RNF10: variants seen among roughly 807,000 people sequenced by gnomAD.
The protein encoded by RNF10 is E3 ubiquitin-protein ligase RNF10.
In RNF10, 38 loss-of-function variants were observed where a neutral mutation model predicts 91.4. The ratio of observed to expected loss-of-function variants is 0.42; its 90% CI spans 0.32 to 0.54. RNF10 has a LOEUF of 0.54. Ranked by LOEUF, RNF10 falls within the 20% of genes least tolerant of loss-of-function variation. The pLI is 0.16. For synonymous variants in RNF10, 364 were observed against 366.3 expected (o/e 0.99, Z 0.07); for missense variants, 945 against 1,012.0 (o/e 0.93, Z 0.90).
In RNF10 at chr12:120,555,542, C is replaced by T. The variant is rs147753889; in HGVS notation, c.645+734C>T. ...CGCTCTTGTTGCCCAGGCTGGAGTA[C>T]AGTGGTGCAATCTTGGCTCACTGCA... On this transcript the variant is annotated intron_variant, in intron 4 of 16. Coordinates refer to ENST00000325954, the MANE Select transcript of RNF10 (RefSeq NM_014868.5). Among the ~76,000 whole-genome samples, 96 of 149,856 alleles carry T rather than the reference C, an allele frequency of 6.4e-4. 1 individual carries two copies. In the East Asian group the frequency reaches 0.017, roughly 26 times the overall value.
chr12:120,569,790 G>A (rs570757175), intron 13 of RNF10, among the ~76,000 whole-genome samples: 1 of 151,644 alleles, frequency 6.6e-6, no homozygotes, highest in East Asian at 2.0e-4. Flanking sequence ...CGCCTGCCTC[G>A]GCCTCCCAGT....
intron 16 of RNF10, 66 bp from the exon 17 acceptor site, chr12:120,576,524 T>G: frequency 7.0e-6 from 11 of 1,566,592 alleles, no homozygotes; most frequent in Non-Finnish European, 9.5e-6. Context: ...CTCTCAGTAA[T>G]GAAAACTGGC....
At chr12:120,560,611 C>A in intron 6 of RNF10, 115 bp from the exon 7 acceptor site, 1 of 946,212 alleles carries the variant, frequency 1.1e-6, no homozygotes. Flanking sequence ...GGAAATCATG[C>A]TAAATTACCC....
Position 120,560,883 on chromosome 12 carries a change from C to T in RNF10, c.1125C>T (p.Leu375=), listed in dbSNP as rs1166268404. Residue 375 remains leucine (L), a synonymous_variant, in exon 7 of 17, where the codon CTC becomes CTT. Transcript: ENST00000325954. ...SCFIEAAIQE[L]KTREEALSGL... ...TTATTGAGGCAGCTATCCAGGAGCT[C>T]AAGGTGAGAGGATGCATTGGAGATG... 2.5e-6 allele frequency: 4 copies of T among 1,613,740 alleles called. No homozygotes were observed. Among genetic ancestry groups the T allele is most frequent in the Non-Finnish European group, 3.4e-6 (4 of 1,179,868 alleles).
In RNF10 at chr12:120,576,614, A is replaced by G; in HGVS notation, c.2384A>G (p.Lys795Arg). The change falls in exon 17 of 17, where the codon AAA (lysine) becomes AGA (arginine). Residue 795 changes from lysine (K) to arginine (R), a missense_variant. Physicochemically the swap from Lys to Arg is conservative, Grantham distance 26. Transcript: ENST00000325954. ...LSEEKGGKKR[K>R]KQKQKLLFST... ...GAAGAGAAAGGAGGAAAGAAAAGAAAAAAACAGAAACAGAAGCTCCTGTTC... is the reference window on the plus strand; with the variant it reads ...GAAGAGAAAGGAGGAAAGAAAAGAAGAAAACAGAAACAGAAGCTCCTGTTC... 2 of 1,614,090 alleles carry G rather than the reference A, an allele frequency of 1.2e-6. No homozygotes were observed.
At chr12:120,536,569 G>C (rs1327944361) in intron 1 of RNF10, among the ~76,000 whole-genome samples, 2 of 152,166 alleles carry the variant, frequency 1.3e-5, no homozygotes. Flanking sequence ...ATGGGTTCTC[G>C]GGCCGTGTCA....
chr12:120,565,691 G>A (rs1875584090), intron 12 of RNF10, among the ~76,000 whole-genome samples, 162 bp downstream of exon 12: 1 of 152,178 alleles, frequency 6.6e-6, no homozygotes, highest in African/African-American at 2.4e-5. Flanking sequence ...CAAATATAAT[G>A]AGTTAATATG....
intron 14 of RNF10, among the ~76,000 whole-genome samples, chr12:120,572,462 G>T (rs1876790491): frequency 6.6e-6 from 1 of 152,122 alleles, no homozygotes; most frequent in South Asian, 2.1e-4. Context: ...TGGTAAGGAG[G>T]GTTCCGAAGT....
intron 1 of RNF10, among the ~76,000 whole-genome samples, chr12:120,545,204 G>A (rs927913009): frequency 2.6e-5 from 4 of 152,060 alleles, no homozygotes; most frequent in African/African-American, 4.8e-5. Context: ...TTTTTGAGAC[G>A]GAGTCTCGCC....
Position 120,565,177 on chromosome 12 carries a change from G to C in RNF10, c.1771G>C (p.Glu591Gln), listed in dbSNP as rs774559334. 1.3e-5 allele frequency: 21 copies of C among 1,607,472 alleles called. No homozygotes were observed. The highest frequency in any genetic ancestry group is 2.7e-5 in the African/African-American group (2 of 74,824). The part of the protein sequence containing the change: ...QPPVVSKETL[E>Q]MFSDDIEKRK... Reference sequence around the variant, plus strand: ...TCCTGTGGTCTCTAAGGAAACCCTAGAGATGTTCTCAGGTGAGAATGCCCC... The same window carrying C: ...TCCTGTGGTCTCTAAGGAAACCCTACAGATGTTCTCAGGTGAGAATGCCCC... The change falls in exon 11 of 17, where the codon GAG becomes CAG. Residue 591 changes from glutamate to glutamine, a missense_variant. Physicochemically the swap from Glu to Gln is conservative, Grantham distance 29 (BLOSUM62 2). Transcript: ENST00000325954.
chr12:120,560,884 A>G lies in RNF10; in HGVS notation c.1126A>G (p.Lys376Glu), dbSNP rs950260868. The change falls in exon 7 of 17, where the codon AAG (lysine) becomes GAG (glutamate). Residue 376 changes from lysine to glutamate, a missense_variant and splice_region_variant. Transcript: ENST00000325954. The part of the protein sequence containing the change: ...CFIEAAIQEL[K>E]TREEALSGLA... ...TATTGAGGCAGCTATCCAGGAGCTC[A>G]AGGTGAGAGGATGCATTGGAGATGC... The G allele has an allele frequency of 5.6e-6, 9 of 1,611,988 alleles. No individual in the cohort carries two copies. Among genetic ancestry groups the G allele is most frequent in the Non-Finnish European group, 7.6e-6 (9 of 1,178,300 alleles).
intron 4 of RNF10, among the ~76,000 whole-genome samples, chr12:120,556,530 C>CAAAAAAAAAA (rs34889649): frequency 1.6e-4 from 3 of 19,216 alleles, no homozygotes; most frequent in African/African-American, 6.6e-4. Context: ...GACTCCGTCT[C>CAAAAAAAAAA]AAAAAAAAAA....
chr12:120,540,486 A>G (rs1367383403), intron 1 of RNF10, among the ~76,000 whole-genome samples: 1 of 152,066 alleles, frequency 6.6e-6, no homozygotes, highest in Non-Finnish European at 1.5e-5. Flanking sequence ...AGTTTTTCCC[A>G]TGTATATCCT....
At chr12:120,556,395 G>C (rs187957379) in intron 4 of RNF10, among the ~76,000 whole-genome samples, 4 of 151,332 alleles carry the variant, frequency 2.6e-5, no homozygotes, top group African/African-American at 4.9e-5. Flanking sequence ...GCCCGGCGCA[G>C]TGGCGGGTAC....
chr12:120,564,762 G>C (rs1875423999), intron 10 of RNF10, among the ~76,000 whole-genome samples: 1 of 152,070 alleles, frequency 6.6e-6, no homozygotes, highest in Non-Finnish European at 1.5e-5. Context: ...TATCTTCTCT[G>C]TTCGTCCCCC....
chr12:120,536,822 C>T (rs1470233055), intron 1 of RNF10, among the ~76,000 whole-genome samples: 1 of 152,204 alleles, frequency 6.6e-6, no homozygotes, highest in African/African-American at 2.4e-5. Flanking sequence ...CTTTAAGCCA[C>T]TAACATACAT....
At chr12:120,558,379 G>C (rs939433689) in intron 6 of RNF10, among the ~76,000 whole-genome samples, 1 of 151,806 alleles carries the variant, frequency 6.6e-6, no homozygotes, top group Middle Eastern at 3.4e-3. Context: ...AAATGTGTGT[G>C]TGTAATATTT....
Position 120,560,825 on chromosome 12 carries a change from T to A in RNF10, c.1067T>A (p.Leu356Gln). 6.2e-7 allele frequency: 1 copy of A among 1,614,174 alleles called. No individual in the cohort carries two copies. The highest frequency in any genetic ancestry group is 8.5e-7 in the Non-Finnish European group (1 of 1,180,026). The stretch of plus-strand genomic sequence containing the variant: ...GAGAAAGTAGCACTAGAGCAGCAGC[T>A]GGCAGAGGAGAAGCACACTCCCGAG... ...LEEKVALEQQ[L>Q]AEEKHTPESC... Residue 356 changes from leucine to glutamine, a missense_variant, in exon 7 of 17, where the codon CTG becomes CAG. Coordinates refer to ENST00000325954, the MANE Select transcript of RNF10 (RefSeq NM_014868.5).
chr12:120,565,946 G>C (rs925155711), intron 12 of RNF10, among the ~76,000 whole-genome samples: 1 of 152,212 alleles, frequency 6.6e-6, no homozygotes, highest in African/African-American at 2.4e-5. Context: ...GGAAATGCAG[G>C]AAGTTGGATT....
Sources: gnomAD v4.1 joint callset for allele counts (sites outside exome capture counted in the v4.1 genomes callset) on GRCh38, gnomAD v4.1.1 for gene constraint, MANE v1.5 for transcripts, NCBI Gene and HGNC (gene_info 2026-07-23, HGNC 2026-07-21) for gene names.